MED13L: variants seen among roughly 807,000 people sequenced by gnomAD.
MED13L encodes the protein mediator complex subunit 13L.
A neutral mutation model predicts 220.9 loss-of-function variants in MED13L; 7 were observed. The observed-to-expected ratio is 0.03, with a 90% confidence interval of 0.02 to 0.06. The LOEUF is 0.06. MED13L is among the 10% of genes least tolerant of loss of function. The probability of loss-of-function intolerance (pLI) is 1.00; values close to 1 mark genes in which losing one functional copy is unlikely to be tolerated. For missense variants in MED13L, 1,965 were observed against 2,760.5 expected, an observed-to-expected ratio of 0.71 and a Z score of 6.46; for synonymous variants, 1,011 against 1,015.2, an observed-to-expected ratio of 1.00 and a Z score of 0.08.
At chr12:116,194,773 A>C (rs1369188584) in intron 2 of MED13L, among the ~76,000 whole-genome samples, 1 of 152,230 alleles carries the variant, frequency 6.6e-6, no homozygotes, top group Non-Finnish European at 1.5e-5. Context: ...TGGAACTTCC[A>C]ATCAAGATGG....
intron 23 of MED13L, 110 bp from the exon 24 acceptor site, chr12:115,975,848 G>T (rs767547495): frequency 2.0e-6 from 2 of 984,668 alleles, no homozygotes; most frequent in Middle Eastern, 3.0e-4. Flanking sequence ...GTAGTAAATC[G>T]TTTCTCTCTC....
chr12:116,004,381 T>C (rs540961739), intron 13 of MED13L, among the ~76,000 whole-genome samples: 111 of 152,216 alleles, frequency 7.3e-4, no homozygotes, highest in Non-Finnish European at 1.3e-3. Context: ...TTTCATGTCC[T>C]TTTCCTTCAT....
chr12:116,138,131 C>T (rs1876738785), intron 2 of MED13L, among the ~76,000 whole-genome samples: 1 of 152,170 alleles, frequency 6.6e-6, no homozygotes, highest in African/African-American at 2.4e-5. Flanking sequence ...GCTGGGATTG[C>T]AGGCGTGAGC....
At chr12:116,069,054 A>G (rs963334527) in intron 4 of MED13L, among the ~76,000 whole-genome samples, 6 of 152,220 alleles carry the variant, frequency 3.9e-5, no homozygotes, top group African/African-American at 1.4e-4. Context: ...CAAGGAACGC[A>G]GAGCCTCTAT....
intron 3 of MED13L, among the ~76,000 whole-genome samples, chr12:116,097,887 A>T (rs1219025153): frequency 1.3e-5 from 2 of 152,218 alleles, no homozygotes; most frequent in Non-Finnish European, 2.9e-5. Context: ...TGACAACTGT[A>T]TCTTAACTGC....
chr12:116,243,746 G>C (rs1170939996), intron 1 of MED13L, among the ~76,000 whole-genome samples: 2 of 152,052 alleles, frequency 1.3e-5, no homozygotes, highest in Non-Finnish European at 2.9e-5. Flanking sequence ...TAGTATCATG[G>C]AAAGAACACT....
At chr12:116,276,305 CTTT>C in intron 1 of MED13L, 1 of 311,664 alleles carries the variant, frequency 3.2e-6, no homozygotes, top group Non-Finnish European at 4.9e-6. Context: ...CAGCTTGTTG[CTTT>C]TGTGTGTGTG....
chr12:116,184,067 A>G (rs1168330107), intron 2 of MED13L, among the ~76,000 whole-genome samples: 3 of 152,174 alleles, frequency 2.0e-5, no homozygotes, highest in Non-Finnish European at 4.4e-5. Context: ...TCACTGTGCC[A>G]CTGTTTCAGT....
chr12:116,275,696 A>C (rs1157943690), intron 1 of MED13L, among the ~76,000 whole-genome samples: 2 of 152,224 alleles, frequency 1.3e-5, no homozygotes, highest in Non-Finnish European at 2.9e-5. Flanking sequence ...CGGGGGTTAC[A>C]GAAAATAATT....
chr12:116,100,296 C>A lies in MED13L; in HGVS notation c.396-3544G>T, dbSNP rs144269503. ...TCTCAAACGTTTTTGGGTCATGGAT[C>A]TATAGCTTTAAAAAAAAATTGGCTG... On this transcript the variant is annotated intron_variant, in intron 3 of 30. Transcript: ENST00000281928. Among the ~76,000 whole-genome samples, 570 of 151,930 alleles carry A rather than the reference C, an allele frequency of 3.8e-3. 1 individual carries two copies. Among genetic ancestry groups the A allele is most frequent in the Middle Eastern group, 0.014 (4 of 294 alleles).
chr12:116,107,434 A>AT (rs1873679621), intron 3 of MED13L, among the ~76,000 whole-genome samples: 1 of 152,242 alleles, frequency 6.6e-6, no homozygotes, highest in African/African-American at 2.4e-5. Context: ...TCAATATAAG[A>AT]TTACCTCAGC....
At chr12:116,141,674 G>A (rs946121895) in intron 2 of MED13L, among the ~76,000 whole-genome samples, 3 of 152,042 alleles carry the variant, frequency 2.0e-5, no homozygotes, top group East Asian at 1.9e-4. Flanking sequence ...GGTGGAAGCC[G>A]TCCCCATCAT....
At chr12:116,217,318 A>T (rs2138376515) in intron 2 of MED13L, among the ~76,000 whole-genome samples, 1 of 152,344 alleles carries the variant, frequency 6.6e-6, no homozygotes, top group Non-Finnish European at 1.5e-5. Context: ...AGGATGCAAC[A>T]TGGCAAAACT....
At position 116,129,828 on chromosome 12, in the gene MED13L, G is replaced by T. The variant is rs188792744; in HGVS notation, c.311-18316C>A. On this transcript the variant is annotated intron_variant, in intron 2 of 30. Coordinates refer to ENST00000281928, the MANE Select transcript of MED13L (RefSeq NM_015335.5). ...GGAGGCTGAGGCAGGAGAATCACTT[G>T]AAACAGGGAGGTGGAGGTTGTAGTG... is the stretch of plus-strand genomic sequence containing the variant. Among the ~76,000 whole-genome samples, 160 of 151,492 alleles carry T rather than the reference G, an allele frequency of 1.1e-3. 2 individuals carry two copies. Among genetic ancestry groups the T allele is most frequent in the African/African-American group, 3.8e-3 (157 of 41,300 alleles).
intron 2 of MED13L, among the ~76,000 whole-genome samples, chr12:116,171,728 G>T (rs999311870): frequency 6.6e-6 from 1 of 152,076 alleles, no homozygotes; most frequent in Non-Finnish European, 1.5e-5. Flanking sequence ...ACATAGCCTC[G>T]ATACCATGTT....
At chr12:116,274,259 T>G (rs545900489) in intron 1 of MED13L, among the ~76,000 whole-genome samples, 16 of 152,132 alleles carry the variant, frequency 1.1e-4, no homozygotes, top group African/African-American at 3.6e-4. Flanking sequence ...AGTGTCTGAT[T>G]GATTGCACAA....
At chr12:116,247,706 C>T (rs926988310) in intron 1 of MED13L, among the ~76,000 whole-genome samples, 3 of 152,184 alleles carry the variant, frequency 2.0e-5, no homozygotes, top group Admixed American at 6.5e-5. Context: ...TATATACACA[C>T]ACATATGCAT....
At chr12:116,018,649 A>T (rs999572188) in intron 7 of MED13L, among the ~76,000 whole-genome samples, 1 of 152,202 alleles carries the variant, frequency 6.6e-6, no homozygotes, top group Non-Finnish European at 1.5e-5. Flanking sequence ...CAATTTAAAC[A>T]ATTTCTGAAT....
chr12:115,978,525 C>T (rs1406280487), intron 23 of MED13L, among the ~76,000 whole-genome samples: 1 of 152,030 alleles, frequency 6.6e-6, no homozygotes, highest in Non-Finnish European at 1.5e-5. Flanking sequence ...CGGGATTTTG[C>T]CATGCTGGCC....
Sources: gnomAD v4.1 joint callset for allele counts (sites outside exome capture counted in the v4.1 genomes callset) on GRCh38, gnomAD v4.1.1 for gene constraint, MANE v1.5 for transcripts, NCBI Gene and HGNC (gene_info 2026-07-23, HGNC 2026-07-21) for gene names.